HPCAL1: variants seen among roughly 807,000 people sequenced by gnomAD.
HPCAL1 encodes the protein hippocalcin-like protein 1.
A neutral mutation model predicts 17.1 loss-of-function variants in HPCAL1; 8 were observed. The ratio of observed to expected loss-of-function variants is 0.47; its 90% confidence interval spans 0.27 to 0.84. HPCAL1 has a LOEUF of 0.84. Among genes scored for constraint, HPCAL1 ranks in the 40% least tolerant of loss-of-function variants. HPCAL1 has a pLI of 0.13. For missense variants in HPCAL1, 165 were observed against 271.1 expected (o/e 0.61, Z 2.75); for synonymous variants, 112 against 111.4 (o/e 1.01, Z -0.03).
intron 2 of HPCAL1, among the ~76,000 whole-genome samples, chr2:10,399,602 C>T (rs1331190205): frequency 6.8e-6 from 1 of 146,998 alleles, no homozygotes; most frequent in Non-Finnish European, 1.5e-5. Flanking sequence ...CCACCACCAC[C>T]ACCACGAGTT....
At chr2:10,305,467 T>C (rs1213066086) in intron 1 of HPCAL1, among the ~76,000 whole-genome samples, 1 of 152,226 alleles carries the variant, frequency 6.6e-6, no homozygotes, top group African/African-American at 2.4e-5. Context: ...GCCTCTCCCT[T>C]GCGGTGGGAT....
At position 10,367,552 on chromosome 2, in the gene HPCAL1, T is replaced by G. The variant is rs571056984; in HGVS notation, c.-110-29283T>G. 1.8e-4 allele frequency among the ~76,000 whole-genome samples: 28 copies of G among 152,312 alleles called. 1 individual carries two copies. The Middle Eastern group carries it at 0.014, about 74-fold the overall frequency. On this transcript the variant is annotated intron_variant, in intron 1 of 4. Coordinates refer to ENST00000307845, the MANE Select transcript of HPCAL1 (RefSeq NM_002149.4). The surrounding 1 kb of genome is among the most constrained non-coding windows in gnomAD (Gnocchi z 4.4). ...TCTCCAATTCATACATTTCAGAAAG[T>G]ATAATAATATGTAAAGCAAAATCAT...
chr2:10,322,847 T>A (rs1020310486), intron 1 of HPCAL1, among the ~76,000 whole-genome samples: 2 of 152,206 alleles, frequency 1.3e-5, no homozygotes, highest in Admixed American at 6.5e-5. Flanking sequence ...TCTAAGCCAC[T>A]CTTATCTAAG....
intron 2 of HPCAL1, among the ~76,000 whole-genome samples, chr2:10,410,436 CT>C (rs36002921): frequency 0.018 from 1,414 of 77,458 alleles, 37 homozygotes; most frequent in African/African-American, 0.067. Context: ...TCTTCTTCTT[CT>C]TTTTTTTTTT....
rs568143204 is a variant in HPCAL1 at position 10,375,137 on chromosome 2, C to T, written c.-110-21698C>T. 5.6e-3 allele frequency among the ~76,000 whole-genome samples: 851 copies of T among 152,310 alleles called. 2 individuals are homozygous for T. The highest frequency in any genetic ancestry group is 0.01 in the Non-Finnish European group (696 of 68,020). On this transcript the variant is annotated intron_variant, in intron 1 of 4. Transcript: ENST00000307845. ...GGAAGGGGAGGAAAGCATTTCCACCCACAGTCCTGTCGGGAGAGGTAACAT... is the reference window on the plus strand; with the variant it reads ...GGAAGGGGAGGAAAGCATTTCCACCTACAGTCCTGTCGGGAGAGGTAACAT...
chr2:10,365,338 G>C lies in HPCAL1; in HGVS notation c.-110-31497G>C, dbSNP rs1288062113. 1.3e-5 allele frequency among the ~76,000 whole-genome samples: 2 copies of C among 152,204 alleles called. No individual in the cohort carries two copies. Among genetic ancestry groups the C allele is most frequent in the East Asian group, 3.9e-4 (2 of 5,188 alleles). ...AGGTGGTGGCGCGGTAATTGCAAGA[G>C]CGTGAGCCCCTCCTCTGGGGCATGT... On this transcript the variant is annotated intron_variant, in intron 1 of 4. Coordinates refer to ENST00000307845, the MANE Select transcript of HPCAL1 (RefSeq NM_002149.4). The surrounding 1 kb of genome is among the most constrained non-coding windows in gnomAD (Gnocchi z 4.8).
In HPCAL1 at chr2:10,331,496, G is replaced by A. The variant is rs77738449; in HGVS notation, c.-111+28319G>A. Among the ~76,000 whole-genome samples, 78 of 152,326 alleles carry A rather than the reference G, an allele frequency of 5.1e-4. No individual in the cohort carries two copies. Among genetic ancestry groups the A allele is most frequent in the African/African-American group, 1.5e-3 (62 of 41,560 alleles). Reference sequence around the variant, plus strand: ...ACTCAGGAAACCTTGCTGGTGGAACGGATGCAGCAGCGAGGTTTTCCGGGG... The same window carrying A: ...ACTCAGGAAACCTTGCTGGTGGAACAGATGCAGCAGCGAGGTTTTCCGGGG... On this transcript the variant is annotated intron_variant, in intron 1 of 4. Coordinates refer to ENST00000307845, the MANE Select transcript of HPCAL1 (RefSeq NM_002149.4). The surrounding 1 kb of genome is among the most constrained non-coding windows in gnomAD (Gnocchi z 5.0).
rs73914071 is a variant in HPCAL1, at chr2:10,385,624, C to T, written c.-110-11211C>T. Among the ~76,000 whole-genome samples, 1,489 of 152,268 alleles carry T rather than the reference C, an allele frequency of 9.8e-3. 34 individuals are homozygous for T. The highest frequency in any genetic ancestry group is 0.034 in the African/African-American group (1,416 of 41,544). ...TGTCTGCATGGACGATGGCAGAATCCGGTGTCTGCTTGGCCGCGTGGTGTC... is the reference window on the plus strand; with the variant it reads ...TGTCTGCATGGACGATGGCAGAATCTGGTGTCTGCTTGGCCGCGTGGTGTC... On this transcript the variant is annotated intron_variant, in intron 1 of 4. Coordinates refer to ENST00000307845, the MANE Select transcript of HPCAL1 (RefSeq NM_002149.4).
In HPCAL1 at chr2:10,349,702, C is replaced by CAAAAAA. The variant is rs55897775; in HGVS notation, c.-111+46557_-111+46562dup. On this transcript the variant is annotated intron_variant, in intron 1 of 4. Coordinates refer to ENST00000307845, the MANE Select transcript of HPCAL1 (RefSeq NM_002149.4). Reference sequence around the variant, plus strand: ...TGGGTGACAGAGCAAGACTCTGTCTCAAAAAAAAAAAAAAAAAAAAAAAAA... The same window carrying CAAAAAA: ...TGGGTGACAGAGCAAGACTCTGTCTCAAAAAAAAAAAAAAAAAAAAAAAAAAAAAAA... Among the ~76,000 whole-genome samples the CAAAAAA allele has an allele frequency of 2.3e-4, 12 of 52,736 alleles. 1 individual carries two copies. Among genetic ancestry groups the CAAAAAA allele is most frequent in the African/African-American group, 3.9e-4 (4 of 10,288 alleles). The allele number at this position is 52,736 out of a possible 152,430, so 34.6% of individuals were successfully genotyped here.
intron 1 of HPCAL1, among the ~76,000 whole-genome samples, chr2:10,378,316 C>T (rs951154652): frequency 1.3e-5 from 2 of 149,860 alleles, no homozygotes; most frequent in Non-Finnish European, 3.0e-5. Context: ...TTGTGCAGGG[C>T]CAGACAGATT....
In HPCAL1 at chr2:10,365,110, C is replaced by T. The variant is rs981378367; in HGVS notation, c.-110-31725C>T. ...TGGAAGGGATTCATGTACCCCTATC[C>T]CCATCCCTAAATGAGAGTGTCCACA... On this transcript the variant is annotated intron_variant, in intron 1 of 4. Transcript: ENST00000307845. The surrounding 1 kb of genome is among the most constrained non-coding windows in gnomAD (Gnocchi z 4.8). 2.6e-5 allele frequency among the ~76,000 whole-genome samples: 4 copies of T among 152,146 alleles called. No individual in the cohort carries two copies. Among genetic ancestry groups the T allele is most frequent in the Admixed American group, 1.3e-4 (2 of 15,280 alleles).
chr2:10,329,831 T>TG (rs1236615480), intron 1 of HPCAL1, among the ~76,000 whole-genome samples: 1 of 152,246 alleles, frequency 6.6e-6, no homozygotes, highest in African/African-American at 2.4e-5. Flanking sequence ...CAAAGTGCTT[T>TG]GAGGTGACGT....
chr2:10,370,059 A>G (rs867491134), intron 1 of HPCAL1, among the ~76,000 whole-genome samples: 55 of 152,292 alleles, frequency 3.6e-4, no homozygotes, highest in African/African-American at 1.3e-3. Context: ...TAGATACTGT[A>G]TTTGGCCTTG....
rs761448484 is a variant in HPCAL1, at chr2:10,426,792, T to A, written c.553T>A (p.Cys185Ser). Residue 185 changes from cysteine (C) to serine (S), a missense_variant, in exon 5 of 5, where the codon TGC becomes AGC. Cys to Ser is a moderately radical substitution (Grantham distance 112). Transcript: ENST00000307845. The part of the protein sequence containing the change: ...SDPSIVRLLQ[C>S]DPSSASQF ...CCCCTCCATCGTCCGCCTGCTGCAG[T>A]GCGACCCCAGCAGTGCCAGTCAGTT... The A allele has an allele frequency of 8.7e-6, 14 of 1,613,382 alleles. No homozygotes were observed. The East Asian group carries it at 3.1e-4, about 36-fold the overall frequency.
At chr2:10,361,144 G>A (rs1214812156) in intron 1 of HPCAL1, among the ~76,000 whole-genome samples, 2 of 148,530 alleles carry the variant, frequency 1.3e-5, no homozygotes, top group Non-Finnish European at 3.0e-5. Flanking sequence ...CCCCAGTGCT[G>A]GACGGTGGCC....
At chr2:10,329,492 GT>G (rs1483250498) in intron 1 of HPCAL1, among the ~76,000 whole-genome samples, 2 of 152,230 alleles carry the variant, frequency 1.3e-5, no homozygotes, top group African/African-American at 4.8e-5. Flanking sequence ...TTGAGCCAGA[GT>G]GTGGTGGCCT....
At chr2:10,358,041 G>A (rs1666283981) in intron 1 of HPCAL1, among the ~76,000 whole-genome samples, 1 of 152,248 alleles carries the variant, frequency 6.6e-6, no homozygotes, top group Non-Finnish European at 1.5e-5. Flanking sequence ...ACGGCCCCGT[G>A]CTGTATAGCA....
chr2:10,378,820 G>A (rs141590926), intron 1 of HPCAL1, among the ~76,000 whole-genome samples: 5 of 152,224 alleles, frequency 3.3e-5, no homozygotes, highest in African/African-American at 4.8e-5. Context: ...AAATCCTCAC[G>A]GTAGAAAATG....
At chr2:10,307,975 G>A (rs1477986229) in intron 1 of HPCAL1, among the ~76,000 whole-genome samples, 1 of 152,254 alleles carries the variant, frequency 6.6e-6, no homozygotes, top group Non-Finnish European at 1.5e-5. Context: ...TGGAGTCTGA[G>A]AAGGTTGGGC....
Sources: gnomAD v4.1 joint callset for allele counts (sites outside exome capture counted in the v4.1 genomes callset) on GRCh38, gnomAD v4.1.1 for gene constraint, Gnocchi (gnomAD v3.1) non-coding constraint, MANE v1.5 for transcripts, NCBI Gene and HGNC (gene_info 2026-07-23, HGNC 2026-07-21) for gene names.